RP1: variants seen among roughly 807,000 people sequenced by gnomAD.
RP1 encodes oxygen-regulated protein 1.
Under a neutral mutation model 14.8 loss-of-function variants are expected in RP1, and 16 were observed. That is an observed-to-expected ratio of 1.08 (90% CI 0.73 to 1.65). The LOEUF (loss-of-function observed/expected upper bound fraction) is 1.65. Among genes scored for constraint, RP1 ranks in the 40% most tolerant of loss-of-function variants. The pLI is 0.00. For missense variants in RP1, 2,631 were observed against 2,535.0 expected, an observed-to-expected ratio of 1.04 and a Z score of -0.81; for synonymous variants, 876 against 883.6, an observed-to-expected ratio of 0.99 and a Z score of 0.15.
intron 23 of RP1, among the ~76,000 whole-genome samples, chr8:54,778,054 C>T (rs1004317312): frequency 3.6e-4 from 54 of 152,104 alleles, no homozygotes; most frequent in Admixed American, 1.6e-3. Flanking sequence ...TACATTTTAA[C>T]GGATCCCAAA....
chr8:54,795,021 A>G (rs763886149), intron 24 of RP1, among the ~76,000 whole-genome samples: 3 of 152,100 alleles, frequency 2.0e-5, no homozygotes, highest in South Asian at 2.1e-4. Context: ...AAGGAAATGC[A>G]AATTGAAACT....
rs779677865 is a variant in RP1 at position 54,626,235 on chromosome 8, A to G, written c.2353A>G (p.Ile785Val). The change falls in exon 4 of 4, where the codon ATA becomes GTA. Residue 785 changes from isoleucine (I) to valine (V), a missense_variant. Transcript: ENST00000220676. The part of the protein sequence containing the change: ...TKRKSRSLNK[I>V]SLGAPKKREI... ...AAGAAAATCTAGATCACTAAATAAAATAAGCTTAGGAGCACCTAAAAAAAG... is the reference window on the plus strand; with the variant it reads ...AAGAAAATCTAGATCACTAAATAAAGTAAGCTTAGGAGCACCTAAAAAAAG... 6.8e-6 allele frequency: 11 copies of G among 1,612,076 alleles called. No individual in the cohort carries two copies. Among genetic ancestry groups the G allele is most frequent in the Non-Finnish European group, 8.5e-6 (10 of 1,179,444 alleles).
chr8:54,582,694 A>T (rs1186440752), intron 1 of RP1, among the ~76,000 whole-genome samples: 1 of 152,068 alleles, frequency 6.6e-6, no homozygotes. Flanking sequence ...AGTGGTTTGT[A>T]GTTCTCCTTG....
chr8:54,773,157 A>G (rs189793725), downstream of RP1, among the ~76,000 whole-genome samples: 1 of 152,256 alleles, frequency 6.6e-6, no homozygotes, highest in Non-Finnish European at 1.5e-5. Context: ...TCACACCTGC[A>G]GTCCTCACCT....
At chr8:54,674,530 A>G (rs1807251103) in intron 8 of RP1, among the ~76,000 whole-genome samples, 1 of 151,864 alleles carries the variant, frequency 6.6e-6, no homozygotes, top group Non-Finnish European at 1.5e-5. Context: ...AAAAAAGGAA[A>G]AAAAAACCCA....
intron 12 of RP1, among the ~76,000 whole-genome samples, chr8:54,681,058 C>T (rs949690750): frequency 6.6e-6 from 1 of 152,098 alleles, no homozygotes; most frequent in Non-Finnish European, 1.5e-5. Flanking sequence ...TTCCTTACCT[C>T]GGCAAAAATT....
At chr8:54,587,882 A>AT (rs1804966914) in intron 1 of RP1, among the ~76,000 whole-genome samples, 1 of 152,096 alleles carries the variant, frequency 6.6e-6, no homozygotes, top group African/African-American at 2.4e-5. Flanking sequence ...TTCCTCTGAT[A>AT]TTTTTATAGA....
intron 15 of RP1, among the ~76,000 whole-genome samples, chr8:54,716,807 A>C (rs770808535): frequency 6.6e-6 from 1 of 152,140 alleles, no homozygotes; most frequent in Non-Finnish European, 1.5e-5. Flanking sequence ...TTTCTAATCC[A>C]TCTTCTGGAT....
chr8:54,578,972 A>T (rs1804720520), intron 1 of RP1, among the ~76,000 whole-genome samples: 1 of 152,250 alleles, frequency 6.6e-6, no homozygotes, highest in Non-Finnish European at 1.5e-5. Context: ...GATGAGGGAA[A>T]TAAAGCCATT....
intron 22 of RP1, among the ~76,000 whole-genome samples, chr8:54,761,104 T>C (rs548437277): frequency 6.6e-6 from 1 of 152,292 alleles, no homozygotes; most frequent in East Asian, 1.9e-4. Context: ...ATATAGTTTG[T>C]CACATTAGTT....
chr8:54,673,192 A>G lies in RP1; in HGVS notation c.1324-658A>G, dbSNP rs570477136. On this transcript the variant is annotated intron_variant, in intron 7 of 22. Coordinates refer to the RP1 transcript ENST00000636932. ...TATCTGTAGAAAGGATTTTTTTTTC[A>G]CTTAGCGATATTTGAGGATAAAATA... Among the ~76,000 whole-genome samples the G allele has an allele frequency of 9.7e-4, 147 of 152,202 alleles. 1 individual carries two copies. The highest frequency in any genetic ancestry group is 1.9e-3 in the South Asian group (9 of 4,820).
At chr8:54,797,105 T>C (rs1177755956) in intron 24 of RP1, among the ~76,000 whole-genome samples, 2 of 152,090 alleles carry the variant, frequency 1.3e-5, no homozygotes, top group Non-Finnish European at 2.9e-5. Flanking sequence ...AGAAAAATTA[T>C]CCATTTTTGC....
intron 7 of RP1, chr8:54,673,793 A>G (rs1807233928): frequency 4.5e-6 from 6 of 1,340,516 alleles, no homozygotes; most frequent in Non-Finnish European, 6.2e-6. Flanking sequence ...AATTTATACT[A>G]TTGGTATAAA....
At chr8:54,726,453 G>A in exon 17 of RP1, 2 of 1,533,986 alleles carry the variant, frequency 1.3e-6, no homozygotes, top group Middle Eastern at 1.7e-4. Context: ...GAGGCTAGGA[G>A]TCCCTTACCT....
chr8:54,678,536 G>C, exon 9 of RP1: 1 of 1,532,390 alleles, frequency 6.5e-7, no homozygotes, highest in Non-Finnish European at 8.7e-7. Flanking sequence ...TTCTGTCACA[G>C]GTTTGTAGGT....
At chr8:54,703,443 G>A (rs1268675938) in intron 14 of RP1, among the ~76,000 whole-genome samples, 7 of 152,114 alleles carry the variant, frequency 4.6e-5, no homozygotes, top group Non-Finnish European at 4.4e-5. Flanking sequence ...TCAACAGTGG[G>A]CTGAAAATAC....
chr8:54,852,770 T>C, intron 26 of RP1: 1 of 1,222,750 alleles, frequency 8.2e-7, no homozygotes, highest in Non-Finnish European at 1.0e-6. Flanking sequence ...CGACTATCGT[T>C]CCTTTAATTT....
chr8:54,613,148 A>G (rs1370907792), upstream of RP1, among the ~76,000 whole-genome samples: 2 of 152,194 alleles, frequency 1.3e-5, no homozygotes, highest in South Asian at 2.1e-4. Flanking sequence ...AGGAAGGGGA[A>G]TGGGTTTTTA....
chr8:54,785,696 A>G lies in RP1; in HGVS notation c.3615+1986A>G, dbSNP rs571106877. The stretch of plus-strand genomic sequence containing the variant: ...TTCTCCACATCTTTATTGACATTCG[A>G]TATTATCTGTTTTTTGATTCTAACC... On this transcript the variant is annotated intron_variant, in intron 24 of 28. Coordinates refer to the RP1 transcript ENST00000637698. Among the ~76,000 whole-genome samples the G allele has an allele frequency of 4.0e-4, 61 of 152,122 alleles. 1 individual carries two copies. In the South Asian group the frequency reaches 0.011, roughly 28 times the overall value.
Sources: allele counts gnomAD v4.1 joint callset (sites outside exome capture counted in the v4.1 genomes callset), GRCh38; gene constraint gnomAD v4.1.1; transcripts MANE v1.5; gene names NCBI Gene and HGNC (gene_info 2026-07-23, HGNC 2026-07-21).